The following MPPED1 variants were observed in gnomAD, a reference collection of about 807,000 sequenced individuals.
The protein encoded by MPPED1 is metallophosphoesterase domain containing 1.
Under a neutral mutation model 36.2 loss-of-function variants are expected in MPPED1, and 16 were observed. The ratio of observed to expected loss-of-function variants is 0.44; its 90% confidence interval spans 0.30 to 0.67. MPPED1 has a LOEUF of 0.67. Ranked by LOEUF, MPPED1 falls within the 30% of genes least tolerant of loss-of-function variation. The pLI, the probability that MPPED1 is intolerant of heterozygous loss-of-function variation, is 0.10. For missense variants in MPPED1, 307 were observed against 453.4 expected (o/e 0.68, Z 2.93); for synonymous variants, 199 against 191.3 (o/e 1.04, Z -0.33).
intron 1 of MPPED1, among the ~76,000 whole-genome samples, chr22:43,420,663 A>G (rs578045698): frequency 1.3e-5 from 2 of 152,228 alleles, no homozygotes; most frequent in Admixed American, 6.5e-5. Context: ...CGGCGTCCCA[A>G]AGTGCTGGGA....
At chr22:43,466,962 G>A (rs1931194609) in intron 3 of MPPED1, among the ~76,000 whole-genome samples, 1 of 152,196 alleles carries the variant, frequency 6.6e-6, no homozygotes, top group African/African-American at 2.4e-5. Flanking sequence ...CCTCCTTTGT[G>A]ACAGCCATTT....
In MPPED1 at chr22:43,430,426, A is replaced by G. The variant is rs80148404; in HGVS notation, c.225-4608A>G. ...GGAGTGGCTTGTCCCCACCCTACAG[A>G]GCAGGGCTGGAGCCTGGTGGGGTCC... On this transcript the variant is annotated intron_variant, in intron 2 of 6. Coordinates refer to ENST00000443721, the MANE Select transcript of MPPED1 (RefSeq NM_001044370.2). Among the ~76,000 whole-genome samples, 15 of 152,268 alleles carry G rather than the reference A, an allele frequency of 9.9e-5. No individual in the cohort carries two copies. The East Asian group carries it at 2.7e-3, about 27-fold the overall frequency.
chr22:43,485,850 C>T (rs148052022), intron 4 of MPPED1, among the ~76,000 whole-genome samples: 17 of 152,348 alleles, frequency 1.1e-4, no homozygotes, highest in Non-Finnish European at 1.9e-4. Context: ...GCTGACTTGC[C>T]GTACGCAGTT....
intron 6 of MPPED1, among the ~76,000 whole-genome samples, chr22:43,503,310 C>G (rs976618388): frequency 3.9e-5 from 6 of 152,230 alleles, no homozygotes; most frequent in Non-Finnish European, 7.3e-5. Flanking sequence ...CAGCCATCCT[C>G]ACCTGAGCCT....
intron 1 of MPPED1, among the ~76,000 whole-genome samples, chr22:43,412,626 T>G (rs552559019): frequency 3.4e-4 from 52 of 152,118 alleles, no homozygotes; most frequent in African/African-American, 1.2e-3. Context: ...TAGGTATTGC[T>G]GGAAACTTCA....
chr22:43,439,834 C>G (rs1041022426), intron 3 of MPPED1, among the ~76,000 whole-genome samples: 1 of 152,192 alleles, frequency 6.6e-6, no homozygotes, highest in African/African-American at 2.4e-5. Context: ...ACTCCTCACT[C>G]GTAGAATAAG....
chr22:43,478,217 C>T (rs1304152595), intron 4 of MPPED1, among the ~76,000 whole-genome samples: 2 of 152,212 alleles, frequency 1.3e-5, no homozygotes, highest in Non-Finnish European at 2.9e-5. Context: ...TCCCGTGTGG[C>T]AGGCCTCCGT....
rs1424242501 is a variant in MPPED1, at chr22:43,505,057, G to A, written c.863-441G>A. On this transcript the variant is annotated intron_variant, in intron 6 of 6. Coordinates refer to ENST00000443721, the MANE Select transcript of MPPED1 (RefSeq NM_001044370.2). Reference sequence around the variant, plus strand: ...TGATAAGGGTGTTGGTGATGATGTTGATCATGATAGTGATGATGATGACAT... The same window carrying A: ...TGATAAGGGTGTTGGTGATGATGTTAATCATGATAGTGATGATGATGACAT... Among the ~76,000 whole-genome samples the A allele has an allele frequency of 5.3e-5, 8 of 151,708 alleles. No individual in the cohort carries two copies. The East Asian group carries it at 1.6e-3, about 30-fold the overall frequency.
chr22:43,497,014 AGTGGTGGTGGAAGTG>A (rs1932426464), intron 4 of MPPED1, among the ~76,000 whole-genome samples: 3 of 26,868 alleles, frequency 1.1e-4, no homozygotes, highest in African/African-American at 1.6e-4. Context: ...TGGTGGAGGT[AGTGGTGGTGGAAGTG>A]GTGGTGGTGG....
intron 1 of MPPED1, among the ~76,000 whole-genome samples, chr22:43,416,161 T>G (rs1482510922): frequency 6.6e-6 from 1 of 152,262 alleles, no homozygotes; most frequent in Non-Finnish European, 1.5e-5. Flanking sequence ...ACCCTTTTTC[T>G]GCCCTGGGTT....
At chr22:43,440,577 G>A (rs1930115731) in intron 3 of MPPED1, among the ~76,000 whole-genome samples, 1 of 152,208 alleles carries the variant, frequency 6.6e-6, no homozygotes, top group Non-Finnish European at 1.5e-5. Context: ...AGCCATGCCT[G>A]CAAGAACTGT....
intron 3 of MPPED1, among the ~76,000 whole-genome samples, chr22:43,455,788 C>G (rs1930732762): frequency 6.6e-6 from 1 of 152,200 alleles, no homozygotes; most frequent in Admixed American, 6.5e-5. Context: ...TTCCTCCACC[C>G]CAATTGCTTG....
intron 3 of MPPED1, among the ~76,000 whole-genome samples, chr22:43,472,178 A>T (rs1931399455): frequency 6.6e-6 from 1 of 152,218 alleles, no homozygotes; most frequent in Admixed American, 6.5e-5. Flanking sequence ...TTTTTAGAAA[A>T]CAGAAGTAAT....
intron 1 of MPPED1, among the ~76,000 whole-genome samples, chr22:43,415,575 C>T (rs1929052389): frequency 6.6e-6 from 1 of 152,158 alleles, no homozygotes; most frequent in Admixed American, 6.5e-5. Context: ...GTGGCCTTTT[C>T]AGGCCTTTTC....
At chr22:43,442,468 T>C (rs1930183504) in intron 3 of MPPED1, among the ~76,000 whole-genome samples, 1 of 152,110 alleles carries the variant, frequency 6.6e-6, no homozygotes, top group South Asian at 2.1e-4. Context: ...TCCCCCGTAA[T>C]AGATCAGGAC....
At chr22:43,445,361 C>T (rs756464275) in intron 3 of MPPED1, among the ~76,000 whole-genome samples, 14 of 151,996 alleles carry the variant, frequency 9.2e-5, no homozygotes, top group Non-Finnish European at 1.6e-4. Flanking sequence ...TTCTTTTTTT[C>T]GCCTCTACTG....
chr22:43,436,718 T>C (rs2146836207), intron 3 of MPPED1, among the ~76,000 whole-genome samples: 1 of 152,112 alleles, frequency 6.6e-6, no homozygotes, highest in East Asian at 1.9e-4. Flanking sequence ...CTTGGTGGAG[T>C]CAAGAGGCCG....
At position 43,434,602 on chromosome 22, in the gene MPPED1, G is replaced by A. The variant is rs146702154; in HGVS notation, c.225-432G>A. Among the ~76,000 whole-genome samples, 59 of 152,360 alleles carry A rather than the reference G, an allele frequency of 3.9e-4. 1 individual carries two copies. In the East Asian group the frequency reaches 9.6e-3, roughly 25 times the overall value. On this transcript the variant is annotated intron_variant, in intron 2 of 6. Transcript: ENST00000443721. ...AACACACGTACGGCACCGCTGTGATGCCGTACTAAAGCTTCATGGGAGGGA... is the reference window on the plus strand; with the variant it reads ...AACACACGTACGGCACCGCTGTGATACCGTACTAAAGCTTCATGGGAGGGA...
rs575991531 is a variant in MPPED1, at chr22:43,470,301, TC to T, written c.407-4433del. Among the ~76,000 whole-genome samples the T allele has an allele frequency of 4.4e-5, 6 of 135,108 alleles. No individual in the cohort carries two copies. The East Asian group carries it at 1.3e-3, about 29-fold the overall frequency. The allele number at this position is 135,108 out of a possible 152,430, so 88.6% of individuals were successfully genotyped here. On this transcript the variant is annotated intron_variant, in intron 3 of 6. Coordinates refer to ENST00000443721, the MANE Select transcript of MPPED1 (RefSeq NM_001044370.2). ...TATCTATAAACCATCCATTCATCCATCCATTCATCCATAAACCAGCCATCTA... is the reference window on the plus strand; with the variant it reads ...TATCTATAAACCATCCATTCATCCATCATTCATCCATAAACCAGCCATCTA...
Sources: gnomAD v4.1 joint callset for allele counts (sites outside exome capture counted in the v4.1 genomes callset) on GRCh38, gnomAD v4.1.1 for gene constraint, MANE v1.5 for transcripts, NCBI Gene and HGNC (gene_info 2026-07-23, HGNC 2026-07-21) for gene names.